The following MFSD6 variants were observed in gnomAD, a reference collection of about 807,000 sequenced individuals.
MFSD6 encodes the protein major facilitator superfamily domain containing 6, also known as major facilitator superfamily domain-containing protein 6.
In MFSD6, 26 loss-of-function variants were observed where a neutral mutation model predicts 56.3. That is an observed-to-expected ratio of 0.46 (90% CI 0.34 to 0.64). The LOEUF is 0.64. Among genes scored for constraint, MFSD6 ranks in the 30% least tolerant of loss-of-function variants. The probability of loss-of-function intolerance (pLI) is 0.01; values close to 1 mark genes in which losing one functional copy is unlikely to be tolerated. For synonymous variants in MFSD6, 331 were observed against 366.9 expected, an observed-to-expected ratio of 0.90 and a Z score of 1.12; for missense variants, 750 against 986.2, an observed-to-expected ratio of 0.76 and a Z score of 3.21.
At chr2:190,444,812 G>C in intron 3 of MFSD6, 1 of 629,812 alleles carries the variant, frequency 1.6e-6, no homozygotes, top group South Asian at 7.2e-5. Flanking sequence ...ATTTCATTCA[G>C]AAACAAGTGT....
Position 190,500,370 on chromosome 2 carries a change from C to T in MFSD6, c.*152C>T. On this transcript the variant is annotated 3_prime_UTR_variant, in exon 8 of 8. Transcript: ENST00000392328. The surrounding 1 kb of genome is among the most constrained non-coding windows in gnomAD (Gnocchi z 5.3). ...AAACTCATTAACATGGAAACACACACACAGGAGCTACAGTACATATTGGCA... is the reference window on the plus strand; with the variant it reads ...AAACTCATTAACATGGAAACACACATACAGGAGCTACAGTACATATTGGCA... 1.3e-6 allele frequency: 1 copy of T among 765,560 alleles called. No homozygotes were observed. Among genetic ancestry groups the T allele is most frequent in the Non-Finnish European group, 2.1e-6 (1 of 481,702 alleles). The allele number at this position is 765,560 out of a possible 1,614,324, so 47.4% of individuals were successfully genotyped here. A position where few individuals can be genotyped will look rare whatever the true frequency, so the allele number is the denominator to read the frequency against.
chr2:190,453,219 T>C (rs1686845276), intron 3 of MFSD6, among the ~76,000 whole-genome samples: 1 of 151,906 alleles, frequency 6.6e-6, no homozygotes, highest in Non-Finnish European at 1.5e-5. Flanking sequence ...AGGAGTTATA[T>C]TACAGATTAG....
chr2:190,464,145 C>T (rs776637310), intron 3 of MFSD6, among the ~76,000 whole-genome samples: 4 of 152,174 alleles, frequency 2.6e-5, no homozygotes, highest in Admixed American at 6.5e-5. Context: ...CATTGGTGTG[C>T]GTGCATCTTT....
chr2:190,432,840 A>G, intron 2 of MFSD6, among the ~76,000 whole-genome samples: 1 of 137,030 alleles, frequency 7.3e-6, no homozygotes, highest in African/African-American at 2.8e-5. Context: ...ACACACACAC[A>G]CTCTCTCTCT....
In MFSD6 at chr2:190,499,261, T is replaced by C. The variant is rs1689893404; in HGVS notation, c.2173-754T>C. The stretch of plus-strand genomic sequence containing the variant: ...CTTAGAAGTCATTATACTAAGTTTC[T>C]TTTTCTTTCATTGTAGAATCACAGA... On this transcript the variant is annotated intron_variant, in intron 7 of 7. Transcript: ENST00000392328. This position sits in a 1 kb window ranked among gnomAD's most constrained non-coding sequence, Gnocchi z 6.0. Among the ~76,000 whole-genome samples the C allele has an allele frequency of 6.6e-6, 1 of 151,190 alleles. No homozygotes were observed. The highest frequency in any genetic ancestry group is 1.9e-4 in the East Asian group (1 of 5,206).
At position 190,412,322 on chromosome 2, in the gene MFSD6, G is replaced by C; in HGVS notation, c.-175-2970G>C. 1.0e-6 allele frequency: 1 copy of C among 983,740 alleles called. No homozygotes were observed. The highest frequency in any genetic ancestry group is 1.2e-6 in the Non-Finnish European group (1 of 828,452). The allele number at this position is 983,740 out of a possible 1,614,324, so 60.9% of individuals were successfully genotyped here. A position where few individuals can be genotyped will look rare whatever the true frequency, so the allele number is the denominator to read the frequency against. On this transcript the variant is annotated intron_variant, in intron 1 of 7. Transcript: ENST00000392328. This position sits in a 1 kb window ranked among gnomAD's most constrained non-coding sequence, Gnocchi z 4.1. ...GAGGGAATTGTAAAAGTATTTTACA[G>C]AAGAGATATTCTCACAATTTTAGGT...
At chr2:190,476,802 C>T (rs1022348214) in intron 4 of MFSD6, among the ~76,000 whole-genome samples, 1 of 152,082 alleles carries the variant, frequency 6.6e-6, no homozygotes, top group African/African-American at 2.4e-5. Context: ...TTGGAACCAA[C>T]CCATATGTCC....
intron 3 of MFSD6, among the ~76,000 whole-genome samples, chr2:190,446,440 C>T (rs971762295): frequency 2.0e-5 from 3 of 152,194 alleles, no homozygotes; most frequent in Non-Finnish European, 2.9e-5. Flanking sequence ...CCAACTGCTA[C>T]AGCTCCCTAG....
At position 190,438,024 on chromosome 2, in the gene MFSD6, G is replaced by A. The variant is rs1686236172; in HGVS notation, c.1532+463G>A. ...GCCTGAATATATGGCATCTAAAGAT[G>A]TCCATTATATCTAATAAGACTGTGA... On this transcript the variant is annotated intron_variant, in intron 3 of 7. Transcript: ENST00000392328. The surrounding 1 kb of genome is among the most constrained non-coding windows in gnomAD (Gnocchi z 5.2). Among the ~76,000 whole-genome samples the A allele has an allele frequency of 6.6e-6, 1 of 152,058 alleles. No homozygotes were observed. The highest frequency in any genetic ancestry group is 2.4e-5 in the African/African-American group (1 of 41,376).
intron 1 of MFSD6, among the ~76,000 whole-genome samples, chr2:190,409,548 A>T (rs1311273826): frequency 6.6e-6 from 1 of 152,176 alleles, no homozygotes; most frequent in Non-Finnish European, 1.5e-5. Flanking sequence ...GGATGGTTGG[A>T]TATTATAGTG....
rs2125118930 is a variant in MFSD6, at chr2:190,461,748, T to C, written c.1533-8010T>C. On this transcript the variant is annotated intron_variant, in intron 3 of 7. Coordinates refer to ENST00000392328, the MANE Select transcript of MFSD6 (RefSeq NM_017694.4). This position sits in a 1 kb window ranked among gnomAD's most constrained non-coding sequence, Gnocchi z 5.5. ...TGACTTAATCACCTCCTTCATACTA[T>C]CATCACATTGGTGAATTAGTTTCAA... 6.6e-6 allele frequency among the ~76,000 whole-genome samples: 1 copy of C among 152,314 alleles called. No homozygotes were observed. Among genetic ancestry groups the C allele is most frequent in the Non-Finnish European group, 1.5e-5 (1 of 68,020 alleles).
Position 190,424,570 on chromosome 2 carries a change from G to A in MFSD6, c.-54+9157G>A, listed in dbSNP as rs1415231034. On this transcript the variant is annotated intron_variant, in intron 2 of 7. Coordinates refer to ENST00000392328, the MANE Select transcript of MFSD6 (RefSeq NM_017694.4). The surrounding 1 kb of genome is among the most constrained non-coding windows in gnomAD (Gnocchi z 5.9). ...GGATGGTCTCGAACTCCTGACCTCA[G>A]GTGATCCGTCCACCTCGGCCACCAA... is the stretch of plus-strand genomic sequence containing the variant. Among the ~76,000 whole-genome samples the A allele has an allele frequency of 6.6e-6, 1 of 152,082 alleles. No homozygotes were observed. The highest frequency in any genetic ancestry group is 1.5e-5 in the Non-Finnish European group (1 of 68,010).
rs764801316 is a variant in MFSD6 at position 190,431,461 on chromosome 2, T to G, written c.-53-4516T>G. On this transcript the variant is annotated intron_variant, in intron 2 of 7. Coordinates refer to ENST00000392328, the MANE Select transcript of MFSD6 (RefSeq NM_017694.4). The surrounding 1 kb of genome is among the most constrained non-coding windows in gnomAD (Gnocchi z 4.4). ...ACTCCGTCTGCAATCCCGGCACCTC[T>G]GGAGGCCGAGGCTGGCGGATCACTC... Among the ~76,000 whole-genome samples, 7 of 152,224 alleles carry G rather than the reference T, an allele frequency of 4.6e-5. No homozygotes were observed. Among genetic ancestry groups the G allele is most frequent in the Non-Finnish European group, 8.8e-5 (6 of 68,040 alleles).
intron 4 of MFSD6, among the ~76,000 whole-genome samples, chr2:190,473,327 G>A (rs1321197333): frequency 6.6e-6 from 1 of 152,172 alleles, no homozygotes; most frequent in East Asian, 1.9e-4. Flanking sequence ...TCAGTGTGCT[G>A]TATTCAGGAA....
rs561027459 is a variant in MFSD6, at chr2:190,418,656, T to A, written c.-54+3243T>A. ...CCTGTAGTCCCAGCTACTTGGGAGGTTGAGGTGGGAGGATCACTTGAGCCC... is the reference window on the plus strand; with the variant it reads ...CCTGTAGTCCCAGCTACTTGGGAGGATGAGGTGGGAGGATCACTTGAGCCC... On this transcript the variant is annotated intron_variant, in intron 2 of 7. Coordinates refer to ENST00000392328, the MANE Select transcript of MFSD6 (RefSeq NM_017694.4). This position sits in a 1 kb window ranked among gnomAD's most constrained non-coding sequence, Gnocchi z 4.1. 6.5e-4 allele frequency among the ~76,000 whole-genome samples: 99 copies of A among 151,874 alleles called. No homozygotes were observed. The highest frequency in any genetic ancestry group is 1.2e-3 in the Non-Finnish European group (79 of 67,902).
intron 4 of MFSD6, chr2:190,477,243 A>G: frequency 2.0e-6 from 2 of 983,114 alleles, no homozygotes; most frequent in Non-Finnish European, 2.4e-6. Context: ...ACTGCAGGTA[A>G]GAATGATTCA....
rs948577025 is a variant in MFSD6, at chr2:190,461,017, G to A, written c.1533-8741G>A. Among the ~76,000 whole-genome samples the A allele has an allele frequency of 6.6e-6, 1 of 152,184 alleles. No homozygotes were observed. The highest frequency in any genetic ancestry group is 1.5e-5 in the Non-Finnish European group (1 of 68,046). The stretch of plus-strand genomic sequence containing the variant: ...CCATTTCTTTGTCCAGGAAGAAAAT[G>A]ATTATGGCAACACTATTTCCTATGT... On this transcript the variant is annotated intron_variant, in intron 3 of 7. Coordinates refer to ENST00000392328, the MANE Select transcript of MFSD6 (RefSeq NM_017694.4). This position sits in a 1 kb window ranked among gnomAD's most constrained non-coding sequence, Gnocchi z 5.5.
At chr2:190,464,866 T>C in intron 3 of MFSD6, 1 of 964,760 alleles carries the variant, frequency 1.0e-6, no homozygotes, top group Non-Finnish European at 1.2e-6. Flanking sequence ...AAATGTTTAT[T>C]GAGCAAAATT....
Position 190,424,898 on chromosome 2 carries a change from T to G in MFSD6, c.-54+9485T>G, listed in dbSNP as rs781028953. Among the ~76,000 whole-genome samples the G allele has an allele frequency of 3.9e-5, 6 of 152,236 alleles. No individual in the cohort carries two copies. Among genetic ancestry groups the G allele is most frequent in the Non-Finnish European group, 7.3e-5 (5 of 68,036 alleles). On this transcript the variant is annotated intron_variant, in intron 2 of 7. Coordinates refer to ENST00000392328, the MANE Select transcript of MFSD6 (RefSeq NM_017694.4). The surrounding 1 kb of genome is among the most constrained non-coding windows in gnomAD (Gnocchi z 5.9). Reference sequence around the variant, plus strand: ...TTTCTTTCCTTTTCTGTATAAATTTTAAAATCTTGTCTATATCTACAAAAA... The same window carrying G: ...TTTCTTTCCTTTTCTGTATAAATTTGAAAATCTTGTCTATATCTACAAAAA...
Sources: gnomAD v4.1 joint callset for allele counts (sites outside exome capture counted in the v4.1 genomes callset) on GRCh38, gnomAD v4.1.1 for gene constraint, Gnocchi (gnomAD v3.1) non-coding constraint, MANE v1.5 for transcripts, NCBI Gene and HGNC (gene_info 2026-07-23, HGNC 2026-07-21) for gene names.